Variants in SYN2 observed in about 807,000 individuals in gnomAD.
SYN2 encodes synapsin-2.
In SYN2, 19 loss-of-function variants were observed where a neutral mutation model predicts 50.9. The ratio of observed to expected loss-of-function variants is 0.37; its 90% CI spans 0.26 to 0.55. The LOEUF is 0.55. Among genes scored for constraint, SYN2 ranks in the 20% least tolerant of loss-of-function variants. The probability of loss-of-function intolerance (pLI) is 0.81; values close to 1 mark genes in which losing one functional copy is unlikely to be tolerated. For missense variants in SYN2, 587 were observed against 576.4 expected (o/e 1.02, Z -0.19); for synonymous variants, 255 against 224.9 (o/e 1.13, Z -1.20).
intron 7 of SYN2, among the ~76,000 whole-genome samples, chr3:12,166,949 G>A (rs970029563): frequency 2.0e-5 from 3 of 152,226 alleles, no homozygotes; most frequent in Non-Finnish European, 4.4e-5. Context: ...GCAAAGTCCT[G>A]TAGAAGTTCT....
intron 1 of SYN2, among the ~76,000 whole-genome samples, chr3:12,025,774 A>G (rs960996395): frequency 1.3e-5 from 2 of 151,164 alleles, no homozygotes; most frequent in Non-Finnish European, 2.9e-5. Context: ...CCAACCAGGC[A>G]CCTCCCCCTA....
At chr3:12,113,969 C>T (rs1696378299) in intron 1 of SYN2, among the ~76,000 whole-genome samples, 1 of 152,098 alleles carries the variant, frequency 6.6e-6, no homozygotes, top group South Asian at 2.1e-4. Context: ...ATTGTTGGAT[C>T]ATGGTAACTC....
chr3:12,038,249 C>T (rs570558396), intron 1 of SYN2, among the ~76,000 whole-genome samples: 150 of 152,230 alleles, frequency 9.9e-4, no homozygotes, highest in Non-Finnish European at 1.7e-3. Flanking sequence ...AAGTTCTATT[C>T]CATTGATGCA....
chr3:12,090,170 T>C (rs1695795874), intron 1 of SYN2, among the ~76,000 whole-genome samples: 1 of 152,302 alleles, frequency 6.6e-6, no homozygotes, highest in South Asian at 2.1e-4. Flanking sequence ...CCTTATGAAT[T>C]ATTAAATCAG....
At position 12,155,937 on chromosome 3, in the gene SYN2, G is replaced by A. The variant is rs1268699912; in HGVS notation, c.774+4611G>A. On this transcript the variant is annotated intron_variant, in intron 5 of 12. Transcript: ENST00000621198. Reference sequence around the variant, plus strand: ...GCCTCTTCCATCCAGGAGCTCCTCAGTTCTGTACAATTCCACATCCTCAGA... The same window carrying A: ...GCCTCTTCCATCCAGGAGCTCCTCAATTCTGTACAATTCCACATCCTCAGA... 2.0e-5 allele frequency among the ~76,000 whole-genome samples: 3 copies of A among 152,198 alleles called. No individual in the cohort carries two copies. The East Asian group carries it at 5.8e-4, about 29-fold the overall frequency.
At position 12,083,612 on chromosome 3, in the gene SYN2, C is replaced by G. The variant is rs1020929431; in HGVS notation, c.378-57039C>G. ...GGAAGTGCTAATGTTCCTGAAATTC[C>G]TATGTCATTATAACTTCTGTTTTTG... On this transcript the variant is annotated intron_variant, in intron 1 of 12. Transcript: ENST00000621198. 1.1e-4 allele frequency among the ~76,000 whole-genome samples: 17 copies of G among 152,262 alleles called. No individual in the cohort carries two copies. In the South Asian group the frequency reaches 3.5e-3, roughly 32 times the overall value.
rs1172776446 is a variant in SYN2, at chr3:12,169,617, C to A, written c.1159-140C>A. 4.4e-6 allele frequency: 4 copies of A among 912,916 alleles called. No homozygotes were observed. In the Admixed American group the frequency reaches 1.1e-4, roughly 26 times the overall value. The allele number at this position is 912,916 out of a possible 1,614,324, so 56.6% of individuals were successfully genotyped here. A position where few individuals can be genotyped will look rare whatever the true frequency, so the allele number is the denominator to read the frequency against. ...AAGATCCTATTTCTGCAAATGATCA[C>A]ACTTCCAGCTGAAGAGAAGAACTCC... On this transcript the variant is annotated intron_variant, in intron 9 of 12. Coordinates refer to ENST00000621198, the MANE Select transcript of SYN2 (RefSeq NM_133625.6).
intron 1 of SYN2, among the ~76,000 whole-genome samples, chr3:12,129,803 G>T (rs1696753317): frequency 1.3e-5 from 2 of 152,144 alleles, no homozygotes; most frequent in Non-Finnish European, 2.9e-5. Context: ...CTGAATGTTT[G>T]TGTCCCCCAA....
chr3:12,047,129 A>G (rs1328428369), intron 1 of SYN2, among the ~76,000 whole-genome samples: 1 of 151,258 alleles, frequency 6.6e-6, no homozygotes, highest in Non-Finnish European at 1.5e-5. Context: ...AATTAAGGGA[A>G]AGGCAAATTG....
At chr3:12,113,381 GA>G (rs988647522) in intron 1 of SYN2, among the ~76,000 whole-genome samples, 4 of 151,924 alleles carry the variant, frequency 2.6e-5, no homozygotes, top group Non-Finnish European at 5.9e-5. Flanking sequence ...AAAAGGAGGG[GA>G]AAAAACTCTG....
intron 7 of SYN2, among the ~76,000 whole-genome samples, chr3:12,164,650 G>T (rs2125238893): frequency 6.6e-6 from 1 of 152,352 alleles, no homozygotes; most frequent in South Asian, 2.1e-4. Flanking sequence ...TGGGTCAGCT[G>T]TGGAGGTCAT....
intron 1 of SYN2, among the ~76,000 whole-genome samples, chr3:12,098,599 T>C (rs1398248706): frequency 1.3e-5 from 2 of 151,794 alleles, no homozygotes; most frequent in East Asian, 3.9e-4. Flanking sequence ...ATTTAAATGG[T>C]ATAGTAGAAA....
chr3:12,178,654 C>G (rs1559456413), intron 10 of SYN2, among the ~76,000 whole-genome samples: 1 of 152,236 alleles, frequency 6.6e-6, no homozygotes, highest in Non-Finnish European at 1.5e-5. Flanking sequence ...ACAACAATAT[C>G]TTCTCCACTG....
intron 11 of SYN2, chr3:12,183,623 G>T: frequency 6.9e-7 from 1 of 1,440,966 alleles, no homozygotes; most frequent in Non-Finnish European, 9.0e-7. Context: ...GTTCCTGTTC[G>T]TGCTTGTAAT....
At chr3:12,164,209 TAAAC>T (rs1288167523) in intron 7 of SYN2, among the ~76,000 whole-genome samples, 2 of 152,160 alleles carry the variant, frequency 1.3e-5, no homozygotes, top group Admixed American at 6.5e-5. Flanking sequence ...ATCCCCTAAA[TAAAC>T]ACAAAACATT....
intron 1 of SYN2, chr3:12,071,028 T>C: frequency 3.6e-6 from 2 of 558,126 alleles, no homozygotes. Context: ...TGTTATAGCT[T>C]TCCTTCCTGG....
At chr3:12,085,365 A>ACGCACGCACG (rs1399764978) in intron 1 of SYN2, among the ~76,000 whole-genome samples, 24 of 145,880 alleles carry the variant, frequency 1.6e-4, no homozygotes, top group East Asian at 1.2e-3. Context: ...ACACACACAC[A>ACGCACGCACG]CACACACACA....
intron 1 of SYN2, among the ~76,000 whole-genome samples, chr3:12,099,984 A>AAAAAAAG (rs1204563632): frequency 6.6e-6 from 1 of 150,848 alleles, no homozygotes; most frequent in Non-Finnish European, 1.5e-5. Context: ...AGAAAAAAAA[A>AAAAAAAG]AAGAAGTGCC....
chr3:12,125,752 C>G (rs1333268886), intron 1 of SYN2, among the ~76,000 whole-genome samples: 1 of 151,446 alleles, frequency 6.6e-6, no homozygotes, highest in Non-Finnish European at 1.5e-5. Context: ...AAGAAGCAGA[C>G]CAGTTTTATG....
Sources: allele counts gnomAD v4.1 joint callset (sites outside exome capture counted in the v4.1 genomes callset), GRCh38; gene constraint gnomAD v4.1.1; transcripts MANE v1.5; gene names NCBI Gene and HGNC (gene_info 2026-07-23, HGNC 2026-07-21).